The following MAN1A2 variants were observed in gnomAD, a reference collection of about 807,000 sequenced individuals.
The protein encoded by MAN1A2 is mannosyl-oligosaccharide 1,2-alpha-mannosidase IB.
Under a neutral mutation model 75.7 loss-of-function variants are expected in MAN1A2, and 26 were observed. The ratio of observed to expected loss-of-function variants is 0.34; its 90% CI spans 0.25 to 0.48. The LOEUF is 0.48. Ranked by LOEUF, MAN1A2 falls within the 20% of genes least tolerant of loss-of-function variation. The probability of loss-of-function intolerance (pLI) is 0.99; values close to 1 mark genes in which losing one functional copy is unlikely to be tolerated. For synonymous variants in MAN1A2, 247 were observed against 264.6 expected, an observed-to-expected ratio of 0.93 and a Z score of 0.65; for missense variants, 562 against 775.5, an observed-to-expected ratio of 0.72 and a Z score of 3.27.
At chr1:117,460,758 CAAAG>C (rs1303484562) in intron 7 of MAN1A2, 146 bp downstream of exon 7, 6 of 893,880 alleles carry the variant, frequency 6.7e-6, no homozygotes, top group Non-Finnish European at 9.2e-6. Context: ...TGAAGTTACT[CAAAG>C]AAATGTCCTT....
At chr1:117,409,514 T>G (rs1647737246) in intron 3 of MAN1A2, among the ~76,000 whole-genome samples, 2 of 149,450 alleles carry the variant, frequency 1.3e-5, no homozygotes, top group South Asian at 4.3e-4. Flanking sequence ...CATTTGTTCT[T>G]AGAAAGAATG....
intron 7 of MAN1A2, among the ~76,000 whole-genome samples, chr1:117,464,344 G>A (rs576432554): frequency 2.1e-5 from 2 of 96,346 alleles, no homozygotes; most frequent in Non-Finnish European, 4.2e-5. Context: ...GGGCGACAGA[G>A]CAAGACTCTG....
At chr1:117,487,587 A>G (rs918070871) in intron 8 of MAN1A2, among the ~76,000 whole-genome samples, 6 of 152,222 alleles carry the variant, frequency 3.9e-5, no homozygotes, top group African/African-American at 1.4e-4. Context: ...ATAAAATGGT[A>G]GCGTCACTGA....
At chr1:117,482,499 G>A (rs1650531657) in intron 8 of MAN1A2, among the ~76,000 whole-genome samples, 1 of 151,886 alleles carries the variant, frequency 6.6e-6, no homozygotes, top group South Asian at 2.1e-4. Flanking sequence ...TGTGTCTGTT[G>A]GCTGCATATA....
At chr1:117,495,075 T>C (rs956927890) in intron 9 of MAN1A2, 1 of 151,854 alleles carries the variant, frequency 6.6e-6, no homozygotes, top group Admixed American at 6.6e-5. Context: ...AAATTGTATT[T>C]GTCATTGTTT....
chr1:117,386,799 G>A (rs779954359), intron 1 of MAN1A2, among the ~76,000 whole-genome samples: 8 of 61,888 alleles, frequency 1.3e-4, no homozygotes, highest in Non-Finnish European at 2.3e-4. Flanking sequence ...AGATGTGGTG[G>A]CACACACCTA....
chr1:117,508,020 C>A (rs1345096786), intron 12 of MAN1A2, among the ~76,000 whole-genome samples: 2 of 151,618 alleles, frequency 1.3e-5, no homozygotes, highest in African/African-American at 4.8e-5. Flanking sequence ...TGAATATCTC[C>A]CACGTGGATT....
Position 117,502,913 on chromosome 1 carries a change from C to G in MAN1A2, c.1736C>G (p.Ser579Cys). ...TTTTCTGGAGTCAAAGATGTATATT[C>G]CTCTACTCCTACACATGATGATGTA... ...GGFSGVKDVY[S>C]STPTHDDVQQ... Residue 579 changes from serine to cysteine, a missense_variant, in exon 12 of 13, where the codon TCC becomes TGC. Ser to Cys is a moderately radical substitution (Grantham distance 112). Transcript: ENST00000356554. 1 of 1,608,024 alleles carries G rather than the reference C, an allele frequency of 6.2e-7. No homozygotes were observed. Among genetic ancestry groups the G allele is most frequent in the Non-Finnish European group, 8.5e-7 (1 of 1,176,444 alleles).
At chr1:117,396,412 A>T (rs964048736) in intron 1 of MAN1A2, among the ~76,000 whole-genome samples, 1 of 152,254 alleles carries the variant, frequency 6.6e-6, no homozygotes, top group Admixed American at 6.5e-5. Flanking sequence ...AAAAGGAATG[A>T]TCTTTACAAA....
intron 4 of MAN1A2, among the ~76,000 whole-genome samples, chr1:117,415,800 T>C (rs1647971968): frequency 1.3e-5 from 2 of 152,088 alleles, no homozygotes; most frequent in Admixed American, 1.3e-4. Context: ...CCTCATGATA[T>C]GAAATGGTTC....
Position 117,522,915 on chromosome 1 carries a change from T to C in MAN1A2, c.1884T>C (p.His628=). Residue 628 remains histidine, a synonymous_variant, in exon 13 of 13, where the codon CAT becomes CAC. Coordinates refer to ENST00000356554, the MANE Select transcript of MAN1A2 (RefSeq NM_006699.5). ...NTEAHPLPVL[H]LANTTLSGNP... ...AGGCTCACCCTCTGCCTGTGTTACATTTAGCCAACACCACACTTTCAGGTA... is the reference window on the plus strand; with the variant it reads ...AGGCTCACCCTCTGCCTGTGTTACACTTAGCCAACACCACACTTTCAGGTA... 2 of 1,611,910 alleles carry C rather than the reference T, an allele frequency of 1.2e-6. No homozygotes were observed. Among genetic ancestry groups the C allele is most frequent in the Non-Finnish European group, 1.7e-6 (2 of 1,178,578 alleles).
intron 1 of MAN1A2, among the ~76,000 whole-genome samples, chr1:117,391,815 C>T (rs1451667705): frequency 6.6e-6 from 1 of 152,162 alleles, no homozygotes; most frequent in Non-Finnish European, 1.5e-5. Context: ...ATCACCCTTT[C>T]TTTCTTTGTT....
chr1:117,486,851 TTTGTACCTAGCACA>T (rs1027623073), intron 8 of MAN1A2, among the ~76,000 whole-genome samples: 3 of 151,934 alleles, frequency 2.0e-5, no homozygotes, highest in Admixed American at 1.3e-4. Context: ...TGATCTTTAG[TTTGTACCTAGCACA>T]TTGTACCTAG....
At chr1:117,515,381 A>G (rs1333804481) in intron 12 of MAN1A2, 3 of 152,268 alleles carry the variant, frequency 2.0e-5, no homozygotes, top group African/African-American at 4.8e-5. Context: ...CCAATCCCCC[A>G]TAGATACTGA....
intron 4 of MAN1A2, among the ~76,000 whole-genome samples, chr1:117,417,545 AT>A (rs1326042748): frequency 1.4e-5 from 2 of 140,660 alleles, no homozygotes; most frequent in Non-Finnish European, 3.1e-5. Flanking sequence ...ATATATATAT[AT>A]ATATATATAT....
chr1:117,378,410 A>G (rs1017885888), intron 1 of MAN1A2, among the ~76,000 whole-genome samples: 4 of 152,084 alleles, frequency 2.6e-5, no homozygotes, highest in African/African-American at 4.8e-5. Context: ...TATCTTTACA[A>G]TTTCACTTTT....
At chr1:117,514,280 T>C (rs1266996605) in intron 12 of MAN1A2, among the ~76,000 whole-genome samples, 1 of 151,568 alleles carries the variant, frequency 6.6e-6, no homozygotes, top group Non-Finnish European at 1.5e-5. Flanking sequence ...GGAGAATCAC[T>C]TGAACCCGGG....
Position 117,471,816 on chromosome 1 carries a change from G to A in MAN1A2, c.1168+5389G>A, listed in dbSNP as rs886363739. On this transcript the variant is annotated intron_variant, in intron 8 of 12. Transcript: ENST00000356554. Reference sequence around the variant, plus strand: ...TGCACTCAGTGAATATATATACTCTGTTAAAAGTTAAACAAGGCATATACC... The same window carrying A: ...TGCACTCAGTGAATATATATACTCTATTAAAAGTTAAACAAGGCATATACC... 2.0e-5 allele frequency among the ~76,000 whole-genome samples: 3 copies of A among 151,960 alleles called. No homozygotes were observed. In the East Asian group the frequency reaches 5.8e-4, roughly 29 times the overall value.
chr1:117,409,260 T>C (rs1256118402), intron 3 of MAN1A2, among the ~76,000 whole-genome samples: 2 of 152,146 alleles, frequency 1.3e-5, no homozygotes, highest in African/African-American at 4.8e-5. Flanking sequence ...TTTATTACTG[T>C]AAACTTTCTA....
Sources: gnomAD v4.1 joint callset for allele counts (sites outside exome capture counted in the v4.1 genomes callset) on GRCh38, gnomAD v4.1.1 for gene constraint, MANE v1.5 for transcripts, NCBI Gene and HGNC (gene_info 2026-07-23, HGNC 2026-07-21) for gene names.